The following PIN1 variants were observed in gnomAD, a reference collection of about 807,000 sequenced individuals.
PIN1 encodes peptidylprolyl cis/trans isomerase, NIMA-interacting 1.
A neutral mutation model predicts 19.9 loss-of-function variants in PIN1; 8 were observed. The ratio of observed to expected loss-of-function variants is 0.40; its 90% CI spans 0.24 to 0.72. The LOEUF is 0.72. PIN1 is among the 30% of genes least tolerant of loss of function. PIN1 has a pLI of 0.37. For synonymous variants in PIN1, 86 were observed against 90.8 expected (o/e 0.95, Z 0.30); for missense variants, 185 against 226.5 (o/e 0.82, Z 1.18).
rs1599448522 is a variant in PIN1, at chr19:9,838,225, A to C, written c.59-211A>C. The C allele has an allele frequency of 3.2e-6, 2 of 630,732 alleles. 1 individual carries two copies. The highest frequency in any genetic ancestry group is 3.6e-5 in the South Asian group (2 of 55,338). 39.1% of individuals were successfully genotyped at this position (630,732 alleles called of 1,614,324 possible). On this transcript the variant is annotated intron_variant, in intron 1 of 3. Transcript: ENST00000247970. The surrounding 1 kb of genome is among the most constrained non-coding windows in gnomAD (Gnocchi z 5.8). ...GCTTGTTTAGCACCTGTCTGCTCTCACCTAGAATGTTAGCTCTCTAAGGGC... is the reference window on the plus strand; with the variant it reads ...GCTTGTTTAGCACCTGTCTGCTCTCCCCTAGAATGTTAGCTCTCTAAGGGC...
intron 2 of PIN1, among the ~76,000 whole-genome samples, chr19:9,843,514 G>T (rs1275909250): frequency 2.6e-5 from 4 of 152,258 alleles, no homozygotes; most frequent in Non-Finnish European, 4.4e-5. Context: ...TCACTGATGT[G>T]CATTAGCTTG....
rs371511137 is a variant in PIN1 at position 9,848,055 on chromosome 19, A to G, written c.297A>G (p.Gly99=). Residue 99 remains glycine, a synonymous_variant, in exon 3 of 4, where the codon GGA becomes GGG. Transcript: ENST00000247970. ...GCTACATCCAGAAGATCAAGTCGGG[A>G]GAGGAGGACTTTGAGTCTCTGGCCT... ...INGYIQKIKS[G]EEDFESLASQ... The G allele has an allele frequency of 9.3e-6, 15 of 1,612,210 alleles. No homozygotes were observed. Among genetic ancestry groups the G allele is most frequent in the Non-Finnish European group, 1.2e-5 (14 of 1,178,470 alleles).
chr19:9,848,258 G>T, intron 3 of PIN1, 118 bp downstream of exon 3: 1 of 684,434 alleles, frequency 1.5e-6, no homozygotes, highest in Non-Finnish European at 2.7e-6. Flanking sequence ...GGTCCAGCAG[G>T]TGGCAGCACA....
At position 9,835,323 on chromosome 19, in the gene PIN1, A is replaced by G; in HGVS notation, c.-22A>G. 2 of 1,521,076 alleles carry G rather than the reference A, an allele frequency of 1.3e-6. No individual in the cohort carries two copies. The highest frequency in any genetic ancestry group is 1.8e-6 in the Non-Finnish European group (2 of 1,139,564). The allele number at this position is 1,521,076 out of a possible 1,614,324, so 94.2% of individuals were successfully genotyped here. A position where few individuals can be genotyped will look rare whatever the true frequency, so the allele number is the denominator to read the frequency against. ...ACAGGCGGCGCAGCTGAGGCGGAGC[A>G]GGCGCTGCGGCAGGAGGGAAGATGG... On this transcript the variant is annotated 5_prime_UTR_variant, in exon 1 of 4. Transcript: ENST00000247970.
rs781117286 is a variant in PIN1, at chr19:9,849,550, G to A, written c.*351G>A. On this transcript the variant is annotated 3_prime_UTR_variant, in exon 4 of 4. Transcript: ENST00000247970. ...CCCCCCAGGTGCTGGAGGCAGACTC[G>A]AGGGCCGAATTGTTTCTAGTTAGGC... The A allele has an allele frequency of 6.6e-6, 4 of 601,720 alleles. No homozygotes were observed. Among genetic ancestry groups the A allele is most frequent in the African/African-American group, 1.8e-5 (1 of 54,970 alleles). 37.3% of individuals were successfully genotyped at this position (601,720 alleles called of 1,614,324 possible).
At chr19:9,839,998 T>C (rs2145411421) in intron 2 of PIN1, among the ~76,000 whole-genome samples, 1 of 152,222 alleles carries the variant, frequency 6.6e-6, no homozygotes, top group Non-Finnish European at 1.5e-5. Flanking sequence ...AGACCCTGTC[T>C]CAAAAATAAA....
intron 2 of PIN1, among the ~76,000 whole-genome samples, chr19:9,843,417 T>C (rs1455940849): frequency 2.0e-5 from 3 of 152,266 alleles, no homozygotes; most frequent in Admixed American, 6.5e-5. Flanking sequence ...AGCAGCGTAA[T>C]GATCTGGCAA....
chr19:9,838,203 T>C lies in PIN1; in HGVS notation c.59-233T>C, dbSNP rs896212253. On this transcript the variant is annotated intron_variant, in intron 1 of 3. Coordinates refer to ENST00000247970, the MANE Select transcript of PIN1 (RefSeq NM_006221.4). This position sits in a 1 kb window ranked among gnomAD's most constrained non-coding sequence, Gnocchi z 5.8. ...GATACTATCCTGTGTTTCATTTGCTTGTTTAGCACCTGTCTGCTCTCACCT... is the reference window on the plus strand; with the variant it reads ...GATACTATCCTGTGTTTCATTTGCTCGTTTAGCACCTGTCTGCTCTCACCT... 5 of 595,242 alleles carry C rather than the reference T, an allele frequency of 8.4e-6. No individual in the cohort carries two copies. The highest frequency in any genetic ancestry group is 1.9e-5 in the African/African-American group (1 of 54,020). 36.9% of individuals were successfully genotyped at this position (595,242 alleles called of 1,614,324 possible).
At chr19:9,842,986 C>T (rs2046183505) in intron 2 of PIN1, among the ~76,000 whole-genome samples, 1 of 152,260 alleles carries the variant, frequency 6.6e-6, no homozygotes, top group African/African-American at 2.4e-5. Context: ...TGCTGAGGCT[C>T]CTTTTCCCAG....
At chr19:9,847,121 C>T (rs566132788) in intron 2 of PIN1, among the ~76,000 whole-genome samples, 4 of 152,240 alleles carry the variant, frequency 2.6e-5, no homozygotes, top group Admixed American at 1.3e-4. Context: ...TGACCTGGCA[C>T]GTGCACAAGA....
rs1047644228 is a variant in PIN1 at position 9,849,285 on chromosome 19, C to A, written c.*86C>A. Reference sequence around the variant, plus strand: ...CCTTGCCCGCCAGCCAGTGGCCGAACCCCCCACTCCCTGCCACCGTCACAC... The same window carrying A: ...CCTTGCCCGCCAGCCAGTGGCCGAAACCCCCACTCCCTGCCACCGTCACAC... On this transcript the variant is annotated 3_prime_UTR_variant, in exon 4 of 4. Transcript: ENST00000247970. 1 of 830,130 alleles carries A rather than the reference C, an allele frequency of 1.2e-6. No individual in the cohort carries two copies. Among genetic ancestry groups the A allele is most frequent in the Non-Finnish European group, 2.0e-6 (1 of 493,062 alleles). The allele number at this position is 830,130 out of a possible 1,614,324, so 51.4% of individuals were successfully genotyped here.
At chr19:9,835,450 G>A in intron 1 of PIN1, 48 bp downstream of exon 1, 1 of 1,333,228 alleles carries the variant, frequency 7.5e-7, no homozygotes, top group Non-Finnish European at 9.9e-7. Flanking sequence ...GCCCGCGTAA[G>A]CAGGGCTCGA....
intron 1 of PIN1, 99 bp downstream of exon 1, chr19:9,835,501 A>T: frequency 1.2e-6 from 1 of 810,270 alleles, no homozygotes; most frequent in Non-Finnish European, 1.8e-6. Flanking sequence ...CCTCCCTCCC[A>T]TGGGGTCCTG....
chr19:9,847,939 C>G (rs2046237041), intron 2 of PIN1, 91 bp from the exon 3 acceptor site: 1 of 808,774 alleles, frequency 1.2e-6, no homozygotes, highest in Non-Finnish European at 2.2e-6. Flanking sequence ...TGCTGCCTCC[C>G]CCGCTGGCCA....
chr19:9,838,328 T>C lies in PIN1; in HGVS notation c.59-108T>C. The C allele has an allele frequency of 1.2e-6, 1 of 833,734 alleles. No homozygotes were observed. The highest frequency in any genetic ancestry group is 2.0e-6 in the Non-Finnish European group (1 of 494,260). The allele number at this position is 833,734 out of a possible 1,614,324, so 51.6% of individuals were successfully genotyped here. A position where few individuals can be genotyped will look rare whatever the true frequency, so the allele number is the denominator to read the frequency against. On this transcript the variant is annotated intron_variant, in intron 1 of 3. Coordinates refer to ENST00000247970, the MANE Select transcript of PIN1 (RefSeq NM_006221.4). This position sits in a 1 kb window ranked among gnomAD's most constrained non-coding sequence, Gnocchi z 5.8. Reference sequence around the variant, plus strand: ...GTGGATACACCATGGATTTGTTGAATGAAGGCGCCCCCTGCAAGCCAGGCC... The same window carrying C: ...GTGGATACACCATGGATTTGTTGAACGAAGGCGCCCCCTGCAAGCCAGGCC...
Position 9,838,104 on chromosome 19 carries a change from A to G in PIN1, c.59-332A>G. ...GCCTGGCTGCTGAGTGCATGGTTTG[A>G]GTCACTCCCTGTCCCCCAGCTTCCT... On this transcript the variant is annotated intron_variant, in intron 1 of 3. Coordinates refer to ENST00000247970, the MANE Select transcript of PIN1 (RefSeq NM_006221.4). The surrounding 1 kb of genome is among the most constrained non-coding windows in gnomAD (Gnocchi z 5.8). 2.5e-6 allele frequency: 1 copy of G among 403,736 alleles called. No individual in the cohort carries two copies. Among genetic ancestry groups the G allele is most frequent in the Non-Finnish European group, 4.7e-6 (1 of 213,536 alleles). 25.0% of individuals were successfully genotyped at this position (403,736 alleles called of 1,614,324 possible).
Position 9,835,406 on chromosome 19 carries a change from C to T in PIN1, c.58+4C>T. On this transcript the variant is annotated splice_donor_region_variant and intron_variant, in intron 1 of 3. Transcript: ENST00000247970. ...AAGCGCATGAGCCGCAGCTCAGGTG[C>T]CGCGGGGGTCGGGGCTGGGGCGGGA... 2 of 1,505,826 alleles carry T rather than the reference C, an allele frequency of 1.3e-6. No homozygotes were observed. The highest frequency in any genetic ancestry group is 1.4e-5 in the African/African-American group (1 of 69,200). The allele number at this position is 1,505,826 out of a possible 1,614,324, so 93.3% of individuals were successfully genotyped here.
At chr19:9,836,948 C>T in intron 1 of PIN1, 1 of 799,006 alleles carries the variant, frequency 1.3e-6, no homozygotes, top group Non-Finnish European at 1.8e-6. Flanking sequence ...GTGCCAGTTT[C>T]TGTCCTAGGC....
chr19:9,848,170 G>T, intron 3 of PIN1, 30 bp downstream of exon 3: 1 of 1,366,196 alleles, frequency 7.3e-7, no homozygotes. Flanking sequence ...CACCAGGTTG[G>T]GGGACCCTTA....
Sources: allele counts gnomAD v4.1 joint callset (sites outside exome capture counted in the v4.1 genomes callset), GRCh38; gene constraint gnomAD v4.1.1; non-coding constraint Gnocchi (gnomAD v3.1); transcripts MANE v1.5; gene names NCBI Gene and HGNC (gene_info 2026-07-23, HGNC 2026-07-21).